Variants in NSMCE4A observed in about 807,000 individuals in gnomAD.
The protein encoded by NSMCE4A is non-structural maintenance of chromosomes element 4 homolog A.
A neutral mutation model predicts 47.9 loss-of-function variants in NSMCE4A; 40 were observed. The ratio of observed to expected loss-of-function variants is 0.83; its 90% CI spans 0.65 to 1.09. The LOEUF is 1.09. NSMCE4A is among the 50% of genes least tolerant of loss of function. The probability of loss-of-function intolerance (pLI) is 0.00; values close to 1 mark genes in which losing one functional copy is unlikely to be tolerated. For missense variants in NSMCE4A, 500 were observed against 507.0 expected, an observed-to-expected ratio of 0.99 and a Z score of 0.13; for synonymous variants, 166 against 178.5, an observed-to-expected ratio of 0.93 and a Z score of 0.56.
intron 5 of NSMCE4A, 27 bp downstream of exon 5, chr10:121,965,259 T>G: frequency 6.5e-7 from 1 of 1,529,230 alleles, no homozygotes; most frequent in Non-Finnish European, 9.0e-7. Context: ...TAATGTGTTT[T>G]TTTAAAAGCA....
At chr10:121,973,694 G>C (rs11200298) in intron 2 of NSMCE4A, among the ~76,000 whole-genome samples, 1 of 152,150 alleles carries the variant, frequency 6.6e-6, no homozygotes, top group Non-Finnish European at 1.5e-5. Context: ...ATGTATACTA[G>C]GGATACGGCA....
chr10:121,967,351 T>A (rs926060740), intron 4 of NSMCE4A: 4 of 267,450 alleles, frequency 1.5e-5, no homozygotes, highest in Non-Finnish European at 2.8e-5. Context: ...CATGGGCCAC[T>A]ACAGCGGGCT....
Position 121,958,012 on chromosome 10 carries a change from A to T in NSMCE4A, c.*13-753T>A, listed in dbSNP as rs1482024925. ...TGGGAGGCCGAGGCGGGCGGACCAC[A>T]AGGTCAGGAGTTCAAGACCAGCCTG... On this transcript the variant is annotated intron_variant, in intron 10 of 10. Coordinates refer to ENST00000369023, the MANE Select transcript of NSMCE4A (RefSeq NM_017615.3). 1.5e-4 allele frequency among the ~76,000 whole-genome samples: 23 copies of T among 151,932 alleles called. No homozygotes were observed. The East Asian group carries it at 4.5e-3, about 30-fold the overall frequency.
intron 5 of NSMCE4A, 108 bp from the exon 6 acceptor site, chr10:121,963,436 C>CCT: frequency 1.8e-6 from 1 of 543,210 alleles, no homozygotes; most frequent in East Asian, 3.1e-5. Context: ...CACCCGAACT[C>CCT]TTTTTTTTTT....
intron 1 of NSMCE4A, 71 bp downstream of exon 1, chr10:121,974,803 C>G: frequency 8.1e-7 from 1 of 1,233,446 alleles, no homozygotes; most frequent in Non-Finnish European, 1.0e-6. Flanking sequence ...CCGGTGCCCT[C>G]CCCCCGCGCC....
rs558244850 is a variant in NSMCE4A, at chr10:121,962,812, A to G, written c.844+426T>C. ...TTTTTAGTAGAGATGAGGTTTCTCC[A>G]TGTTGGTCAGGCGGGTATCGAACTC... On this transcript the variant is annotated intron_variant, in intron 6 of 10. Coordinates refer to ENST00000369023, the MANE Select transcript of NSMCE4A (RefSeq NM_017615.3). Among the ~76,000 whole-genome samples, 12 of 152,064 alleles carry G rather than the reference A, an allele frequency of 7.9e-5. No individual in the cohort carries two copies. In the East Asian group the frequency reaches 2.3e-3, roughly 29 times the overall value.
chr10:121,972,505 C>T (rs533137763), intron 2 of NSMCE4A, among the ~76,000 whole-genome samples: 1 of 152,208 alleles, frequency 6.6e-6, no homozygotes, highest in South Asian at 2.1e-4. Context: ...TCCATGAATG[C>T]CAGCATCTGT....
chr10:121,966,184 T>C (rs894140304), intron 4 of NSMCE4A: 3 of 152,206 alleles, frequency 2.0e-5, no homozygotes, highest in African/African-American at 7.2e-5. Flanking sequence ...GGCAGAGATA[T>C]CTACCCAGAC....
At chr10:121,959,733 C>T in intron 8 of NSMCE4A, 138 bp from the exon 9 acceptor site, 1 of 634,342 alleles carries the variant, frequency 1.6e-6, no homozygotes, top group Non-Finnish European at 2.7e-6. Context: ...TTTAGGATTT[C>T]ATGCATTATG....
At chr10:121,970,440 C>T (rs1178941958) in intron 3 of NSMCE4A, among the ~76,000 whole-genome samples, 1 of 148,400 alleles carries the variant, frequency 6.7e-6, no homozygotes, top group Admixed American at 6.8e-5. Flanking sequence ...CCACTGCACT[C>T]CAGCCTGGGC....
At chr10:121,964,086 A>G (rs1306602891) in intron 5 of NSMCE4A, among the ~76,000 whole-genome samples, 1 of 28,162 alleles carries the variant, frequency 3.6e-5, no homozygotes, top group Non-Finnish European at 7.0e-5. Context: ...ATAGGGCAAG[A>G]CTCTGTCTCA....
intron 2 of NSMCE4A, among the ~76,000 whole-genome samples, chr10:121,971,339 G>T (rs974874520): frequency 1.1e-4 from 17 of 151,862 alleles, no homozygotes; most frequent in Non-Finnish European, 1.8e-4. Flanking sequence ...TGAAACCCCA[G>T]CTCTACTAAA....
chr10:121,963,401 C>G (rs1441549437), intron 5 of NSMCE4A, 73 bp from the exon 6 acceptor site: 20 of 816,094 alleles, frequency 2.5e-5, no homozygotes, highest in Non-Finnish European at 3.7e-5. Flanking sequence ...CTTGCACACC[C>G]AAACTCCTTT....
chr10:121,971,472 A>G (rs1212782226), intron 2 of NSMCE4A, among the ~76,000 whole-genome samples: 1 of 152,140 alleles, frequency 6.6e-6, no homozygotes, highest in African/African-American at 2.4e-5. Flanking sequence ...GCGCCACTGC[A>G]CTCCAGCCTG....
intron 4 of NSMCE4A, chr10:121,967,416 T>C: frequency 2.2e-6 from 1 of 454,872 alleles, no homozygotes; most frequent in Non-Finnish European, 3.8e-6. Context: ...CAGGCTGATC[T>C]TGAATTCCTG....
rs541463261 is a variant in NSMCE4A, at chr10:121,964,113, A to T, written c.754-785T>A. Among the ~76,000 whole-genome samples, 26 of 94,904 alleles carry T rather than the reference A, an allele frequency of 2.7e-4. 1 individual carries two copies. Among genetic ancestry groups the T allele is most frequent in the East Asian group, 1.4e-3 (4 of 2,874 alleles). 62.3% of individuals were successfully genotyped at this position (94,904 alleles called of 152,430 possible). On this transcript the variant is annotated intron_variant, in intron 5 of 10. Transcript: ENST00000369023. ...TCTGTCTCAAAAAAAATTATGGTTT[A>T]AAAAAAAACAGATTTTCTGGTTTCA...
At chr10:121,973,238 CA>C (rs11327063) in intron 2 of NSMCE4A, among the ~76,000 whole-genome samples, 10,440 of 132,016 alleles carry the variant, frequency 0.079, 466 homozygotes, top group African/African-American at 0.14. Flanking sequence ...TCTCAAACCT[CA>C]AAAAAAAAAA....
chr10:121,962,950 C>G (rs1952529025), intron 6 of NSMCE4A, among the ~76,000 whole-genome samples: 2 of 152,102 alleles, frequency 1.3e-5, no homozygotes. Context: ...TGAAAATATA[C>G]ACATTACATT....
chr10:121,972,253 G>T (rs911892200), intron 2 of NSMCE4A, among the ~76,000 whole-genome samples: 29 of 152,226 alleles, frequency 1.9e-4, no homozygotes, highest in Admixed American at 3.3e-4. Flanking sequence ...ACCTGGGGGG[G>T]GCAGAGGTTG....
Sources: allele counts gnomAD v4.1 joint callset (sites outside exome capture counted in the v4.1 genomes callset), GRCh38; gene constraint gnomAD v4.1.1; transcripts MANE v1.5; gene names NCBI Gene and HGNC (gene_info 2026-07-23, HGNC 2026-07-21).